The following PCDHA5 variants were observed in gnomAD, a reference collection of about 807,000 sequenced individuals.
PCDHA5 encodes the protein protocadherin alpha-5.
PCDHA5 carries 43 observed loss-of-function variants against 61.6 expected under a neutral mutation model. The observed-to-expected ratio is 0.70, with a 90% CI of 0.55 to 0.90. The LOEUF (loss-of-function observed/expected upper bound fraction) is 0.90. Among genes scored for constraint, PCDHA5 ranks in the 40% least tolerant of loss-of-function variants. PCDHA5 has a pLI of 0.00. For synonymous variants in PCDHA5, 627 were observed against 543.9 expected, an observed-to-expected ratio of 1.15 and a Z score of -2.13; for missense variants, 1,298 against 1,222.7, an observed-to-expected ratio of 1.06 and a Z score of -0.92.
chr5:140,876,236 T>C (rs782328225), intron 1 of PCDHA5: 24 of 1,613,974 alleles, frequency 1.5e-5, no homozygotes, highest in Non-Finnish European at 1.4e-5. Flanking sequence ...TCTGAAAATG[T>C]CCAAAACGAC....
intron 3 of PCDHA5, among the ~76,000 whole-genome samples, chr5:140,996,441 C>G (rs2097726719): frequency 6.6e-6 from 1 of 152,146 alleles, no homozygotes; most frequent in Non-Finnish European, 1.5e-5. Context: ...TAGTCAGTGT[C>G]AAGTTGTGGT....
intron 3 of PCDHA5, among the ~76,000 whole-genome samples, chr5:140,998,936 A>G (rs1328813980): frequency 6.6e-5 from 10 of 152,246 alleles, no homozygotes; most frequent in African/African-American, 2.4e-4. Flanking sequence ...TTACAGATGA[A>G]GAAACTGTAA....
chr5:140,965,664 A>G (rs931573016), intron 1 of PCDHA5, among the ~76,000 whole-genome samples: 2 of 152,254 alleles, frequency 1.3e-5, no homozygotes, highest in Non-Finnish European at 2.9e-5. Flanking sequence ...GTCTTGGGTG[A>G]TAAATGTAAA....
At chr5:140,857,407 G>A (rs372428918) in intron 1 of PCDHA5, 10 of 1,598,382 alleles carry the variant, frequency 6.3e-6, no homozygotes, top group Non-Finnish European at 8.6e-6. Flanking sequence ...ACGCGCCTGC[G>A]TTCGCGCAGT....
chr5:140,882,565 C>A (rs782122682), intron 1 of PCDHA5: 9 of 1,614,118 alleles, frequency 5.6e-6, no homozygotes, highest in African/African-American at 2.7e-5. Flanking sequence ...GTGGGCGGAG[C>A]GCGGAGTGCA....
At chr5:140,902,974 A>T (rs1291767760) in intron 1 of PCDHA5, among the ~76,000 whole-genome samples, 1 of 152,178 alleles carries the variant, frequency 6.6e-6, no homozygotes, top group African/African-American at 2.4e-5. Context: ...ATGGGCATTT[A>T]GGTTGGTTCC....
At chr5:140,852,883 G>C in intron 1 of PCDHA5, 1 of 933,168 alleles carries the variant, frequency 1.1e-6, no homozygotes. Flanking sequence ...ATCATAAAAC[G>C]TATTTTTTTT....
intron 1 of PCDHA5, among the ~76,000 whole-genome samples, chr5:140,969,881 G>A (rs1554232131): frequency 6.6e-6 from 1 of 152,196 alleles, no homozygotes; most frequent in African/African-American, 2.4e-5. Context: ...CTATGTGATA[G>A]GATCCTCTGG....
In PCDHA5 at chr5:140,868,996, G is replaced by A. The variant is rs2050789342; in HGVS notation, c.2352+44869G>A. ...CATCATACCGGATGCCACCGTTTAA[G>A]GATCCTTTGAAACTTCTTAAGAATT... is the stretch of plus-strand genomic sequence containing the variant. On this transcript the variant is annotated intron_variant, in intron 1 of 3. Transcript: ENST00000529859. The A allele has an allele frequency of 2.6e-6, 4 of 1,516,490 alleles. No individual in the cohort carries two copies. The African/African-American group carries it at 4.2e-5, about 16-fold the overall frequency. 93.9% of individuals were successfully genotyped at this position (1,516,490 alleles called of 1,614,324 possible).
At chr5:140,968,817 T>C in intron 1 of PCDHA5, 2 of 1,614,110 alleles carry the variant, frequency 1.2e-6, no homozygotes, top group Middle Eastern at 3.3e-4. Flanking sequence ...GTGGATAGGG[T>C]TTCCAAAATC....
Position 140,823,757 on chromosome 5 carries a change from C to T in PCDHA5, c.1982C>T (p.Thr661Ile). 6.2e-7 allele frequency: 1 copy of T among 1,613,910 alleles called. No individual in the cohort carries two copies. Among genetic ancestry groups the T allele is most frequent in the Middle Eastern group, 1.6e-4 (1 of 6,062 alleles). ...KDHGEPPLTA[T>I]ATVLVSLVES... is the part of the protein sequence containing the mutation. ...CATGGAGAGCCCCCGCTGACAGCCA[C>T]AGCCACAGTGCTGGTGTCGCTGGTG... The change falls in exon 1 of 4, where the codon ACA becomes ATA. Residue 661 changes from threonine to isoleucine, a missense_variant. Transcript: ENST00000529859.
intron 1 of PCDHA5, among the ~76,000 whole-genome samples, chr5:140,936,591 G>T (rs1188475668): frequency 6.6e-6 from 1 of 152,180 alleles, no homozygotes; most frequent in Non-Finnish European, 1.5e-5. Context: ...CAGTTAGATT[G>T]CCTACTTTCC....
intron 1 of PCDHA5, among the ~76,000 whole-genome samples, chr5:140,952,723 A>G (rs979234260): frequency 6.6e-6 from 1 of 152,168 alleles, no homozygotes; most frequent in Non-Finnish European, 1.5e-5. Flanking sequence ...AATTTTCTGT[A>G]CTAGTCTTTT....
intron 1 of PCDHA5, chr5:140,829,789 G>A (rs1298804039): frequency 6.2e-7 from 1 of 1,613,836 alleles, no homozygotes; most frequent in African/African-American, 1.3e-5. Flanking sequence ...CGGCGCTGCT[G>A]GCGCCTCGGG....
intron 3 of PCDHA5, among the ~76,000 whole-genome samples, chr5:141,005,634 G>A (rs782404455): frequency 4.8e-5 from 7 of 146,670 alleles, no homozygotes; most frequent in Middle Eastern, 3.6e-3. Flanking sequence ...CCCGGGAGGC[G>A]GAGCTTGCAG....
chr5:140,898,462 C>T (rs1398136688), intron 1 of PCDHA5, among the ~76,000 whole-genome samples: 7 of 150,224 alleles, frequency 4.7e-5, no homozygotes, highest in African/African-American at 1.5e-4. Flanking sequence ...TTCCCCATTG[C>T]TTGTTTTTCT....
chr5:140,835,450 C>G lies in PCDHA5; in HGVS notation c.2352+11323C>G, dbSNP rs2150235992. 4 of 1,613,938 alleles carry G rather than the reference C, an allele frequency of 2.5e-6. No individual in the cohort carries two copies. The South Asian group carries it at 4.4e-5, about 18-fold the overall frequency. On this transcript the variant is annotated intron_variant, in intron 1 of 3. Coordinates refer to ENST00000529859, the MANE Select transcript of PCDHA5 (RefSeq NM_018908.3). The stretch of plus-strand genomic sequence containing the variant: ...CCACAGTTGACTCTCACTTCCCTGT[C>G]TCTCCCTATTCCAGAGGACGCCCAA...
intron 1 of PCDHA5, among the ~76,000 whole-genome samples, chr5:140,839,342 G>A (rs1463316254): frequency 2.0e-5 from 3 of 150,644 alleles, no homozygotes; most frequent in East Asian, 3.9e-4. Flanking sequence ...GTTGATAGGG[G>A]ATCCTCCTTA....
intron 3 of PCDHA5, among the ~76,000 whole-genome samples, chr5:140,985,802 C>T (rs567648207): frequency 1.1e-4 from 16 of 146,640 alleles, no homozygotes; most frequent in African/African-American, 3.3e-4. Flanking sequence ...TGCAGTGGCA[C>T]GATCTCAGCT....
Sources: gnomAD v4.1 joint callset for allele counts (sites outside exome capture counted in the v4.1 genomes callset) on GRCh38, gnomAD v4.1.1 for gene constraint, MANE v1.5 for transcripts, NCBI Gene and HGNC (gene_info 2026-07-23, HGNC 2026-07-21) for gene names.